Variants in COL28A1 observed in about 807,000 individuals in gnomAD.
COL28A1 encodes the protein collagen type XXVIII alpha 1 chain.
COL28A1 carries 161 observed loss-of-function variants against 150.2 expected under a neutral mutation model. That is an observed-to-expected ratio of 1.07 (90% CI 0.94 to 1.22). The LOEUF (loss-of-function observed/expected upper bound fraction) is 1.22. Ranked by LOEUF, COL28A1 falls within the 50% of genes most tolerant of loss-of-function variation. The pLI is 0.00. For missense variants in COL28A1, 1,617 were observed against 1,388.3 expected (o/e 1.16, Z -2.62); for synonymous variants, 552 against 469.7 (o/e 1.18, Z -2.26).
chr7:7,400,845 C>G (rs949772009), intron 27 of COL28A1, among the ~76,000 whole-genome samples: 1 of 151,962 alleles, frequency 6.6e-6, no homozygotes, highest in Admixed American at 6.6e-5. Flanking sequence ...TTCAAACTTA[C>G]AGGAAAAAAT....
chr7:7,397,079 A>C (rs1216091495), intron 27 of COL28A1, among the ~76,000 whole-genome samples: 3 of 152,164 alleles, frequency 2.0e-5, no homozygotes, highest in Non-Finnish European at 4.4e-5. Flanking sequence ...AATTGCCATG[A>C]ATTTAGTGGT....
intron 25 of COL28A1, among the ~76,000 whole-genome samples, chr7:7,426,222 A>G (rs906412173): frequency 2.6e-5 from 4 of 152,224 alleles, no homozygotes; most frequent in Non-Finnish European, 5.9e-5. Context: ...AAAATAAGGT[A>G]GAAGTCAAAG....
At chr7:7,380,132 A>G (rs954147129) in intron 30 of COL28A1, among the ~76,000 whole-genome samples, 5 of 152,106 alleles carry the variant, frequency 3.3e-5, no homozygotes, top group Non-Finnish European at 5.9e-5. Context: ...ATGAGACTTT[A>G]AAGAGTCAGT....
chr7:7,539,721 T>C (rs745795096), upstream of COL28A1, among the ~76,000 whole-genome samples: 4 of 152,200 alleles, frequency 2.6e-5, no homozygotes, highest in African/African-American at 4.8e-5. Context: ...CAAATTCTGA[T>C]TGAGTTGATC....
intron 25 of COL28A1, among the ~76,000 whole-genome samples, chr7:7,426,030 C>T (rs1158307262): frequency 1.3e-5 from 2 of 152,268 alleles, no homozygotes; most frequent in African/African-American, 4.8e-5. Context: ...TGCTGCCACT[C>T]TTTGAGAAGA....
At chr7:7,512,067 A>ATGAAAC (rs1400813020) in intron 8 of COL28A1, among the ~76,000 whole-genome samples, 3 of 152,222 alleles carry the variant, frequency 2.0e-5, no homozygotes, top group African/African-American at 7.2e-5. Context: ...AACAACATAG[A>ATGAAAC]TGAACCTGAA....
At chr7:7,530,492 C>G (rs1050209519) in intron 3 of COL28A1, among the ~76,000 whole-genome samples, 1 of 152,184 alleles carries the variant, frequency 6.6e-6, no homozygotes, top group Non-Finnish European at 1.5e-5. Context: ...ATAAAGGACA[C>G]CTTTGCCTTC....
chr7:7,398,214 T>TAGTCATCAAACAG (rs1269353787), intron 27 of COL28A1, among the ~76,000 whole-genome samples: 1 of 152,226 alleles, frequency 6.6e-6, no homozygotes, highest in African/African-American at 2.4e-5. Context: ...ATTCTTCTGA[T>TAGTCATCAAACAG]AGTCATCAAA....
chr7:7,344,085 G>C, the COL28A1 span, among the ~76,000 whole-genome samples: 2 of 151,736 alleles, frequency 1.3e-5, no homozygotes, highest in Non-Finnish European at 2.9e-5. Context: ...ATTACATATA[G>C]TTTAGTCTTG....
In COL28A1 at chr7:7,453,443, G is replaced by A. The variant is rs1786876403; in HGVS notation, c.1437C>T (p.Ser479=). ...CCGCTCTCATTTACAAAGTTACCTT[G>A]GAACCAGGTAAGCCCTGTCCTGCGG... ...QGPAGQGLPG[S]KGEVGQMGPT... The change falls in exon 17 of 35, where the codon TCC becomes TCT. Residue 479 remains serine, a synonymous_variant. Coordinates refer to ENST00000399429, the MANE Select transcript of COL28A1 (RefSeq NM_001037763.3). 5 of 1,192,716 alleles carry A rather than the reference G, an allele frequency of 4.2e-6. No individual in the cohort carries two copies. Among genetic ancestry groups the A allele is most frequent in the Non-Finnish European group, 6.3e-6 (5 of 795,238 alleles). The allele number at this position is 1,192,716 out of a possible 1,614,324, so 73.9% of individuals were successfully genotyped here.
chr7:7,452,084 T>C (rs1005839574), intron 18 of COL28A1, among the ~76,000 whole-genome samples: 8 of 152,176 alleles, frequency 5.3e-5, no homozygotes, highest in African/African-American at 1.9e-4. Flanking sequence ...ATAAACAAAG[T>C]GCCACCCTAG....
intron 26 of COL28A1, among the ~76,000 whole-genome samples, 173 bp downstream of exon 26, chr7:7,419,712 C>T (rs1045738745): frequency 6.6e-6 from 1 of 152,080 alleles, no homozygotes; most frequent in South Asian, 2.1e-4. Flanking sequence ...TTTATAAACT[C>T]GAATGTTCTA....
At chr7:7,449,611 G>A (rs1193440947) in intron 18 of COL28A1, among the ~76,000 whole-genome samples, 3 of 151,880 alleles carry the variant, frequency 2.0e-5, no homozygotes, top group Non-Finnish European at 2.9e-5. Context: ...TGTACATAGG[G>A]ACTGAAAAAG....
intron 31 of COL28A1, among the ~76,000 whole-genome samples, chr7:7,374,035 AAAAAT>A (rs1326688715): frequency 1.2e-5 from 1 of 83,414 alleles, no homozygotes; most frequent in East Asian, 4.2e-4. Context: ...AAAAAAAAAA[AAAAAT>A]ATATATATAT....
At chr7:7,383,682 G>GCATATATATATA (rs71523786) in intron 27 of COL28A1, among the ~76,000 whole-genome samples, 1 of 124,096 alleles carries the variant, frequency 8.1e-6, no homozygotes, top group African/African-American at 3.0e-5. Context: ...GTGTGTGTGT[G>GCATATATATATA]TATATATATA....
chr7:7,358,651 T>A lies in COL28A1; in HGVS notation c.3360A>T (p.Glu1120Asp), dbSNP rs748426949. The A allele has an allele frequency of 5.6e-6, 9 of 1,613,826 alleles. No individual in the cohort carries two copies. The highest frequency in any genetic ancestry group is 1.3e-5 in the African/African-American group (1 of 74,906). ...NRFNSEKECQ[E>D]TCIQG is the part of the protein sequence containing the mutation. ...TACTTGCTCATCCTTGAATGCAGGTTTCTTGACATTCCTTTTCACTGTTGA... is the reference window on the plus strand; with the variant it reads ...TACTTGCTCATCCTTGAATGCAGGTATCTTGACATTCCTTTTCACTGTTGA... Residue 1120 changes from glutamate to aspartate, a missense_variant, in exon 35 of 35, where the codon GAA becomes GAT. Physicochemically the swap from Glu to Asp is conservative, Grantham distance 45 (BLOSUM62 2). Coordinates refer to ENST00000399429, the MANE Select transcript of COL28A1 (RefSeq NM_001037763.3).
chr7:7,408,098 C>A (rs535827827), intron 27 of COL28A1, among the ~76,000 whole-genome samples: 1 of 152,130 alleles, frequency 6.6e-6, no homozygotes, highest in Admixed American at 6.6e-5. Flanking sequence ...CATTTTAATA[C>A]TGTTTGTTCT....
At chr7:7,446,127 G>T (rs1390907875) in intron 18 of COL28A1, among the ~76,000 whole-genome samples, 1 of 151,722 alleles carries the variant, frequency 6.6e-6, no homozygotes, top group Admixed American at 6.6e-5. Context: ...CAAAGTGCTG[G>T]GATTACAGGT....
rs190563409 is a variant in COL28A1 at position 7,453,790 on chromosome 7, G to A, written c.1372-282C>T. Among the ~76,000 whole-genome samples the A allele has an allele frequency of 2.6e-4, 40 of 151,882 alleles. No homozygotes were observed. In the East Asian group the frequency reaches 7.5e-3, roughly 29 times the overall value. On this transcript the variant is annotated intron_variant, in intron 16 of 34. Transcript: ENST00000399429. ...CCATGTGGGCTAGATTCTAGCCAAT[G>A]GGATAGGAATGAAGTGATGTGTGTA...
Sources: allele counts gnomAD v4.1 joint callset (sites outside exome capture counted in the v4.1 genomes callset), GRCh38; gene constraint gnomAD v4.1.1; transcripts MANE v1.5; gene names NCBI Gene and HGNC (gene_info 2026-07-23, HGNC 2026-07-21).